The following RCSD1 variants were observed in gnomAD, a reference collection of about 807,000 sequenced individuals.
RCSD1 encodes the protein capZ-interacting protein.
In RCSD1, 26 loss-of-function variants were observed where a neutral mutation model predicts 42.5. The ratio of observed to expected loss-of-function variants is 0.61; its 90% CI spans 0.45 to 0.85. RCSD1 has a LOEUF of 0.85. Among genes scored for constraint, RCSD1 ranks in the 40% least tolerant of loss-of-function variants. The probability of loss-of-function intolerance (pLI) is 0.00; values close to 1 mark genes in which losing one functional copy is unlikely to be tolerated. For missense variants in RCSD1, 571 were observed against 528.3 expected (o/e 1.08, Z -0.79); for synonymous variants, 220 against 212.2 (o/e 1.04, Z -0.32).
chr1:167,632,530 A>T (rs1571662237), intron 1 of RCSD1, among the ~76,000 whole-genome samples: 1 of 151,878 alleles, frequency 6.6e-6, no homozygotes, highest in African/African-American at 2.4e-5. Context: ...GGTGGAGGGG[A>T]TTGCAGTAAA....
At chr1:167,671,474 T>G (rs1229358) in intron 1 of RCSD1, among the ~76,000 whole-genome samples, 1 of 151,966 alleles carries the variant, frequency 6.6e-6, no homozygotes, top group Admixed American at 6.5e-5. Flanking sequence ...CTCTCCTTAC[T>G]CCTGCTCTCC....
At chr1:167,656,706 C>T (rs1658432681) in intron 1 of RCSD1, among the ~76,000 whole-genome samples, 1 of 152,174 alleles carries the variant, frequency 6.6e-6, no homozygotes, top group African/African-American at 2.4e-5. Flanking sequence ...TGCCTGCCCA[C>T]CATCTAAAGG....
chr1:167,684,052 G>A (rs758250005), intron 2 of RCSD1, 51 bp downstream of exon 2: 4 of 1,467,526 alleles, frequency 2.7e-6, no homozygotes, highest in Non-Finnish European at 3.8e-6. Flanking sequence ...CAGGAGGAAA[G>A]GGAAATCTGG....
intron 1 of RCSD1, among the ~76,000 whole-genome samples, chr1:167,666,965 C>T (rs545169589): frequency 6.6e-6 from 1 of 152,338 alleles, no homozygotes; most frequent in African/African-American, 2.4e-5. Flanking sequence ...AGATTGGAGA[C>T]CCCTGCAATA....
chr1:167,643,981 CCT>C (rs1210878616), intron 1 of RCSD1, among the ~76,000 whole-genome samples: 1 of 152,094 alleles, frequency 6.6e-6, no homozygotes. Flanking sequence ...GTTATTGCAT[CCT>C]GCCTGCAAAA....
rs1328399878 is a variant in RCSD1, at chr1:167,704,692, T to C, written c.1247T>C (p.Met416Thr). 1 of 1,612,872 alleles carries C rather than the reference T, an allele frequency of 6.2e-7. No individual in the cohort carries two copies. The part of the protein sequence containing the change: ...EDDTPVQDTK[M>T] The stretch of plus-strand genomic sequence containing the variant: ...GACACTCCTGTCCAGGACACTAAAA[T>C]GTGAAGAACAGCTCATTGTGCCCCA... Residue 416 changes from methionine to threonine, a missense_variant, in exon 7 of 7, where the codon ATG becomes ACG. Transcript: ENST00000367854.
intron 5 of RCSD1, 81 bp from the exon 6 acceptor site, chr1:167,697,018 T>TC: frequency 2.3e-6 from 3 of 1,317,634 alleles, no homozygotes; most frequent in South Asian, 1.4e-5. Context: ...TGCACCAGAC[T>TC]GACATTGAAA....
At chr1:167,640,975 T>C (rs929340122) in intron 1 of RCSD1, among the ~76,000 whole-genome samples, 1 of 152,160 alleles carries the variant, frequency 6.6e-6, no homozygotes, top group Non-Finnish European at 1.5e-5. Flanking sequence ...TAAGCTATAT[T>C]ATAACCACCC....
chr1:167,650,350 C>G (rs1189022914), intron 1 of RCSD1, among the ~76,000 whole-genome samples: 3 of 152,148 alleles, frequency 2.0e-5, no homozygotes, highest in African/African-American at 7.2e-5. Flanking sequence ...TTCACCTCCC[C>G]TCTGGCCTCT....
chr1:167,639,153 G>C lies in RCSD1; in HGVS notation c.6+8724G>C, dbSNP rs370357803. Among the ~76,000 whole-genome samples, 281 of 152,224 alleles carry C rather than the reference G, an allele frequency of 1.8e-3. 1 individual carries two copies. The highest frequency in any genetic ancestry group is 6.3e-3 in the African/African-American group (263 of 41,546). Reference sequence around the variant, plus strand: ...AATGGCGTGAACCCGGGAAGCGGAGGTTGCAGTGAGCAGAGATCACGCCAC... The same window carrying C: ...AATGGCGTGAACCCGGGAAGCGGAGCTTGCAGTGAGCAGAGATCACGCCAC... On this transcript the variant is annotated intron_variant, in intron 1 of 6. Coordinates refer to ENST00000367854, the MANE Select transcript of RCSD1 (RefSeq NM_052862.4).
At chr1:167,685,361 C>A in intron 2 of RCSD1, 60 bp from the exon 3 acceptor site, 1 of 1,369,650 alleles carries the variant, frequency 7.3e-7, no homozygotes, top group Non-Finnish European at 1.0e-6. Context: ...GCTCTTCCTC[C>A]CTGTTGCCTG....
chr1:167,668,426 C>T (rs1264871275), intron 1 of RCSD1, among the ~76,000 whole-genome samples: 1 of 152,168 alleles, frequency 6.6e-6, no homozygotes, highest in Non-Finnish European at 1.5e-5. Flanking sequence ...GACTAACCCT[C>T]CTTACCCCTC....
At chr1:167,694,640 T>C (rs1659454379) in intron 5 of RCSD1, among the ~76,000 whole-genome samples, 1 of 152,166 alleles carries the variant, frequency 6.6e-6, no homozygotes, top group African/African-American at 2.4e-5. Flanking sequence ...TGTCAAAAGC[T>C]GAACGCAAAA....
At chr1:167,694,489 T>C (rs559078006) in intron 5 of RCSD1, among the ~76,000 whole-genome samples, 187 bp downstream of exon 5, 15 of 152,280 alleles carry the variant, frequency 9.9e-5, no homozygotes, top group African/African-American at 3.6e-4. Context: ...GGATCACCTT[T>C]TTCCTCGACT....
chr1:167,693,350 C>G (rs1246327772), intron 4 of RCSD1, among the ~76,000 whole-genome samples: 1 of 152,222 alleles, frequency 6.6e-6, no homozygotes, highest in Non-Finnish European at 1.5e-5. Context: ...TGCCTCCTCC[C>G]CAACCAAACT....
chr1:167,665,258 T>A (rs562726672), intron 1 of RCSD1, among the ~76,000 whole-genome samples: 1 of 152,216 alleles, frequency 6.6e-6, no homozygotes, highest in Non-Finnish European at 1.5e-5. Context: ...AACACAATGC[T>A]TTTCAGATTC....
intron 5 of RCSD1, among the ~76,000 whole-genome samples, chr1:167,696,186 C>A (rs1659494213): frequency 6.6e-6 from 1 of 151,918 alleles, no homozygotes; most frequent in Non-Finnish European, 1.5e-5. Flanking sequence ...GGTCTCTAAC[C>A]CTCTTCTCGG....
At chr1:167,668,261 G>A (rs1033827085) in intron 1 of RCSD1, among the ~76,000 whole-genome samples, 6 of 151,984 alleles carry the variant, frequency 3.9e-5, no homozygotes, top group Admixed American at 3.3e-4. Flanking sequence ...CTCCAGCCTG[G>A]GCAACAGAGC....
At chr1:167,650,344 C>A (rs917572946) in intron 1 of RCSD1, among the ~76,000 whole-genome samples, 1 of 152,140 alleles carries the variant, frequency 6.6e-6, no homozygotes, top group Non-Finnish European at 1.5e-5. Context: ...GAGGCGTTCA[C>A]CTCCCCTCTG....
Sources: allele counts gnomAD v4.1 joint callset (sites outside exome capture counted in the v4.1 genomes callset), GRCh38; gene constraint gnomAD v4.1.1; transcripts MANE v1.5; gene names NCBI Gene and HGNC (gene_info 2026-07-23, HGNC 2026-07-21).